Variants in CPQ observed in about 807,000 individuals in gnomAD.
CPQ encodes carboxypeptidase Q.
In CPQ, 37 loss-of-function variants were observed where a neutral mutation model predicts 45.7. That is an observed-to-expected ratio of 0.81 (90% CI 0.62 to 1.07). The LOEUF (loss-of-function observed/expected upper bound fraction) is 1.07, where lower values mean the gene tolerates loss of function less well. Ranked by LOEUF, CPQ falls within the 50% of genes least tolerant of loss-of-function variation. CPQ has a pLI of 0.00. For synonymous variants in CPQ, 186 were observed against 205.8 expected, an observed-to-expected ratio of 0.90 and a Z score of 0.82; for missense variants, 537 against 572.9, an observed-to-expected ratio of 0.94 and a Z score of 0.64.
intron 4 of CPQ, among the ~76,000 whole-genome samples, chr8:96,924,876 T>C (rs1167180178): frequency 6.6e-6 from 1 of 152,268 alleles, no homozygotes; most frequent in Admixed American, 6.5e-5. Context: ...ATATTTTCAC[T>C]AACCCTTTAT....
chr8:96,977,179 A>G (rs1222156131), intron 5 of CPQ, among the ~76,000 whole-genome samples: 1 of 152,198 alleles, frequency 6.6e-6, no homozygotes, highest in African/African-American at 2.4e-5. Flanking sequence ...AAAAGGGCTA[A>G]GGACATGAAT....
intron 1 of CPQ, among the ~76,000 whole-genome samples, chr8:96,673,383 C>T (rs531002293): frequency 2.0e-5 from 3 of 152,190 alleles, no homozygotes; most frequent in Non-Finnish European, 2.9e-5. Context: ...TCTGATTAGT[C>T]GCCTTTCATG....
chr8:96,854,701 C>T (rs1424960369), intron 3 of CPQ, among the ~76,000 whole-genome samples: 6 of 151,916 alleles, frequency 3.9e-5, no homozygotes, highest in African/African-American at 1.2e-4. Context: ...CAGAGGCTGA[C>T]AAGTCCCAAA....
At chr8:96,846,797 G>A (rs1191803324) in intron 3 of CPQ, among the ~76,000 whole-genome samples, 1 of 152,090 alleles carries the variant, frequency 6.6e-6, no homozygotes, top group African/African-American at 2.4e-5. Context: ...GTTTCCCCCA[G>A]TAATGTTGTT....
At chr8:96,794,856 C>T (rs1810905567) in intron 2 of CPQ, among the ~76,000 whole-genome samples, 1 of 152,106 alleles carries the variant, frequency 6.6e-6, no homozygotes, top group Admixed American at 6.6e-5. Flanking sequence ...CAGCAAGAAT[C>T]ACCTTTGCTC....
chr8:96,891,269 T>A (rs1215252164), intron 4 of CPQ, among the ~76,000 whole-genome samples: 2 of 152,196 alleles, frequency 1.3e-5, no homozygotes, highest in East Asian at 3.9e-4. Flanking sequence ...AACCCATATG[T>A]CTATTCCGGT....
intron 1 of CPQ, among the ~76,000 whole-genome samples, chr8:96,679,535 G>C (rs1809122762): frequency 6.6e-6 from 1 of 152,046 alleles, no homozygotes; most frequent in South Asian, 2.1e-4. Context: ...GAATTCAGCA[G>C]TAAAGCCATC....
intron 3 of CPQ, among the ~76,000 whole-genome samples, chr8:96,854,527 T>G (rs1811815630): frequency 3.3e-4 from 4 of 12,154 alleles, no homozygotes; most frequent in African/African-American, 7.1e-4. Context: ...CGAGACTCCG[T>G]CTCAAAAAAA....
rs565072616 is a variant in CPQ at position 96,711,110 on chromosome 8, T to C, written c.-35+65708T>C. Among the ~76,000 whole-genome samples the C allele has an allele frequency of 2.0e-5, 3 of 152,258 alleles. No individual in the cohort carries two copies. The South Asian group carries it at 6.2e-4, about 32-fold the overall frequency. On this transcript the variant is annotated intron_variant, in intron 1 of 7. Transcript: ENST00000220763. ...CCCCTTTTTTTCTTACTATTATTGC[T>C]TTAGTCTGTTTTATCTGACATCAGA...
intron 3 of CPQ, among the ~76,000 whole-genome samples, chr8:96,848,130 G>A (rs2130858212): frequency 6.6e-6 from 1 of 152,094 alleles, no homozygotes; most frequent in Non-Finnish European, 1.5e-5. Context: ...TTGCCTCACT[G>A]GTTACTGCTC....
chr8:97,002,946 T>C (rs1809310610), intron 5 of CPQ, among the ~76,000 whole-genome samples: 1 of 152,228 alleles, frequency 6.6e-6, no homozygotes, highest in Non-Finnish European at 1.5e-5. Context: ...GGTACTCCTG[T>C]GTTGGGTGCA....
At chr8:97,116,447 A>G (rs1485352858) in intron 7 of CPQ, among the ~76,000 whole-genome samples, 2 of 152,254 alleles carry the variant, frequency 1.3e-5, no homozygotes, top group African/African-American at 4.8e-5. Flanking sequence ...GACACCAGCT[A>G]TAACTGAAAA....
At chr8:96,813,596 G>T (rs1267485419) in intron 2 of CPQ, among the ~76,000 whole-genome samples, 5 of 152,108 alleles carry the variant, frequency 3.3e-5, no homozygotes, top group African/African-American at 1.2e-4. Flanking sequence ...CTATCAGTTT[G>T]GTGGCCAGAG....
At chr8:96,817,142 A>G (rs1468836520) in intron 2 of CPQ, among the ~76,000 whole-genome samples, 1 of 152,180 alleles carries the variant, frequency 6.6e-6, no homozygotes, top group African/African-American at 2.4e-5. Context: ...TTTTGTCTAC[A>G]TTGAAAATCT....
At chr8:97,074,984 G>A (rs56060375) in intron 7 of CPQ, among the ~76,000 whole-genome samples, 4,235 of 152,156 alleles carry the variant, frequency 0.028, 83 homozygotes, top group Admixed American at 0.066. Context: ...TAGCTGATGC[G>A]AAGATACCGG....
chr8:96,723,143 A>G (rs1439746237), intron 1 of CPQ, among the ~76,000 whole-genome samples: 1 of 152,172 alleles, frequency 6.6e-6, no homozygotes, highest in Non-Finnish European at 1.5e-5. Flanking sequence ...TATTTTACAG[A>G]TACCATACCC....
chr8:96,910,325 A>G (rs1233338132), intron 4 of CPQ, among the ~76,000 whole-genome samples: 1 of 152,186 alleles, frequency 6.6e-6, no homozygotes, highest in Non-Finnish European at 1.5e-5. Flanking sequence ...TTACTATGTC[A>G]TATCTAGACC....
At chr8:96,694,418 A>G (rs1338276102) in intron 1 of CPQ, among the ~76,000 whole-genome samples, 1 of 152,202 alleles carries the variant, frequency 6.6e-6, no homozygotes, top group Non-Finnish European at 1.5e-5. Context: ...ACAGTAGATC[A>G]AATGGACCTA....
intron 1 of CPQ, among the ~76,000 whole-genome samples, chr8:96,759,250 A>G (rs1378970108): frequency 1.3e-5 from 2 of 152,018 alleles, no homozygotes; most frequent in Non-Finnish European, 2.9e-5. Flanking sequence ...AGGAGGCTCA[A>G]ATTGTTTTCT....
Sources: allele counts gnomAD v4.1 joint callset (sites outside exome capture counted in the v4.1 genomes callset), GRCh38; gene constraint gnomAD v4.1.1; transcripts MANE v1.5; gene names NCBI Gene and HGNC (gene_info 2026-07-23, HGNC 2026-07-21).